Variants in SH3RF3 observed in about 807,000 individuals in gnomAD.
SH3RF3 encodes SH3 domain containing ring finger 3.
In SH3RF3, 29 loss-of-function variants were observed where a neutral mutation model predicts 66.3. The observed-to-expected ratio is 0.44, with a 90% CI of 0.33 to 0.60. The LOEUF (loss-of-function observed/expected upper bound fraction) is 0.60. Among genes scored for constraint, SH3RF3 ranks in the 20% least tolerant of loss-of-function variants. The pLI is 0.04. For synonymous variants in SH3RF3, 583 were observed against 532.0 expected, an observed-to-expected ratio of 1.10 and a Z score of -1.32; for missense variants, 1,194 against 1,190.9, an observed-to-expected ratio of 1.00 and a Z score of -0.04.
At chr2:109,236,361 A>C in intron 1 of SH3RF3, among the ~76,000 whole-genome samples, 1 of 152,158 alleles carries the variant, frequency 6.6e-6, no homozygotes, top group East Asian at 1.9e-4. Flanking sequence ...CGAGCATCCC[A>C]GTGAAGCACT....
At chr2:109,160,718 C>G (rs369787669) in intron 1 of SH3RF3, among the ~76,000 whole-genome samples, 1 of 152,144 alleles carries the variant, frequency 6.6e-6, no homozygotes, top group Non-Finnish European at 1.5e-5. Context: ...TCAGCCTGTC[C>G]CTGCTCCTAC....
intron 1 of SH3RF3, among the ~76,000 whole-genome samples, chr2:109,192,234 G>A (rs1019790974): frequency 4.6e-5 from 7 of 152,174 alleles, no homozygotes; most frequent in African/African-American, 7.2e-5. Context: ...CTGTATCTAA[G>A]CAGGGAACCT....
chr2:109,271,902 C>T (rs527675450), intron 1 of SH3RF3, among the ~76,000 whole-genome samples: 31 of 152,322 alleles, frequency 2.0e-4, no homozygotes, highest in Admixed American at 1.6e-3. Context: ...AGATTCTAAC[C>T]GCTACGCACA....
chr2:109,474,647 C>G (rs769026855), intron 8 of SH3RF3, among the ~76,000 whole-genome samples: 7 of 152,220 alleles, frequency 4.6e-5, no homozygotes, highest in Non-Finnish European at 1.0e-4. Flanking sequence ...AGAAGCTTCC[C>G]GCTGGTCTGC....
At chr2:109,401,024 T>C (rs11123742) in intron 4 of SH3RF3, among the ~76,000 whole-genome samples, 50,427 of 152,156 alleles carry the variant, frequency 0.33, 9,349 homozygotes, top group Non-Finnish European at 0.42. Context: ...GGCGGACCAG[T>C]GTGGCTGTGC....
rs564207381 is a variant in SH3RF3, at chr2:109,468,076, G to A, written c.2148+18587G>A. Among the ~76,000 whole-genome samples the A allele has an allele frequency of 2.6e-5, 4 of 152,292 alleles. No individual in the cohort carries two copies. The East Asian group carries it at 7.7e-4, about 29-fold the overall frequency. ...TCCCACAACTCACTAATCAAAACTA[G>A]CTAGATACGGTCATGTGTCACTTAA... is the stretch of plus-strand genomic sequence containing the variant. On this transcript the variant is annotated intron_variant, in intron 8 of 9. Coordinates refer to ENST00000309415, the MANE Select transcript of SH3RF3 (RefSeq NM_001099289.3).
chr2:109,501,399 A>G (rs575340319), intron 9 of SH3RF3, 104 bp from the exon 10 acceptor site: 15 of 570,066 alleles, frequency 2.6e-5, no homozygotes, highest in African/African-American at 2.6e-4. Context: ...AAGTGGGAAA[A>G]TAGCAGCAAA....
chr2:109,371,057 C>CA (rs1683261087), intron 2 of SH3RF3, among the ~76,000 whole-genome samples: 1 of 152,186 alleles, frequency 6.6e-6, no homozygotes, highest in Non-Finnish European at 1.5e-5. Flanking sequence ...GCCAGGCTTT[C>CA]CCATATGGGG....
At chr2:109,473,399 A>G (rs80175085) in intron 8 of SH3RF3, among the ~76,000 whole-genome samples, 2,128 of 152,246 alleles carry the variant, frequency 0.014, 55 homozygotes, top group East Asian at 0.06. Flanking sequence ...CCCCATCAGC[A>G]TTTGGCACCA....
At chr2:109,172,870 G>A (rs1363316854) in intron 1 of SH3RF3, among the ~76,000 whole-genome samples, 1 of 152,216 alleles carries the variant, frequency 6.6e-6, no homozygotes, top group East Asian at 1.9e-4. Context: ...GCTGAGTCCA[G>A]TATTTCTCTT....
At chr2:109,283,862 G>A (rs1680953433) in intron 1 of SH3RF3, among the ~76,000 whole-genome samples, 1 of 152,180 alleles carries the variant, frequency 6.6e-6, no homozygotes, top group South Asian at 2.1e-4. Context: ...GGGGATGCTG[G>A]GGAGTGAGTA....
intron 1 of SH3RF3, among the ~76,000 whole-genome samples, chr2:109,341,973 C>G (rs1323239208): frequency 6.6e-6 from 1 of 152,146 alleles, no homozygotes; most frequent in South Asian, 2.1e-4. Context: ...TGTCTCTGAC[C>G]CATTCTCAGA....
intron 1 of SH3RF3, among the ~76,000 whole-genome samples, chr2:109,288,310 G>A (rs1405800750): frequency 6.6e-6 from 1 of 152,238 alleles, no homozygotes; most frequent in African/African-American, 2.4e-5. Context: ...AGTTATTGCA[G>A]GCATGGAGTC....
At chr2:109,474,610 A>AG (rs762800640) in intron 8 of SH3RF3, among the ~76,000 whole-genome samples, 10 of 152,132 alleles carry the variant, frequency 6.6e-5, no homozygotes, top group South Asian at 6.2e-4. Context: ...AGGTTTGGGC[A>AG]GGGGGGGAGA....
chr2:109,218,735 A>G (rs1679158991), intron 1 of SH3RF3, among the ~76,000 whole-genome samples: 2 of 152,140 alleles, frequency 1.3e-5, no homozygotes, highest in Admixed American at 6.5e-5. Context: ...TTTGTTCTCT[A>G]AGTGAAAACA....
chr2:109,372,075 T>C (rs1374020687), intron 3 of SH3RF3, among the ~76,000 whole-genome samples: 1 of 152,224 alleles, frequency 6.6e-6, no homozygotes, highest in Non-Finnish European at 1.5e-5. Flanking sequence ...GGCAGCATTT[T>C]CCCTTCCCAC....
chr2:109,178,386 G>A (rs1386311450), intron 1 of SH3RF3, among the ~76,000 whole-genome samples: 2 of 152,254 alleles, frequency 1.3e-5, no homozygotes, highest in African/African-American at 4.8e-5. Flanking sequence ...GTGTGGTGGA[G>A]GAATATTGGT....
chr2:109,365,785 C>T (rs558522921), intron 2 of SH3RF3, among the ~76,000 whole-genome samples: 4 of 152,276 alleles, frequency 2.6e-5, no homozygotes, highest in Admixed American at 6.5e-5. Flanking sequence ...TCTGTGGTCC[C>T]GGCTGTCGAC....
chr2:109,323,886 G>A (rs911899103), intron 1 of SH3RF3, among the ~76,000 whole-genome samples: 2 of 152,110 alleles, frequency 1.3e-5, no homozygotes, highest in Non-Finnish European at 2.9e-5. Context: ...TGACAGAGCT[G>A]TGCAACCACC....
Sources: gnomAD v4.1 joint callset for allele counts (sites outside exome capture counted in the v4.1 genomes callset) on GRCh38, gnomAD v4.1.1 for gene constraint, MANE v1.5 for transcripts, NCBI Gene and HGNC (gene_info 2026-07-23, HGNC 2026-07-21) for gene names.